The following TMED3 variants were observed in gnomAD, a reference collection of about 807,000 sequenced individuals.
The protein encoded by TMED3 is transmembrane p24 trafficking protein 3.
Under a neutral mutation model 15.0 loss-of-function variants are expected in TMED3, and 9 were observed. The ratio of observed to expected loss-of-function variants is 0.60; its 90% CI spans 0.36 to 1.04. The LOEUF is 1.04. Ranked by LOEUF, TMED3 falls within the 50% of genes least tolerant of loss-of-function variation. The pLI, the probability that TMED3 is intolerant of heterozygous loss-of-function variation, is 0.01. For synonymous variants in TMED3, 117 were observed against 121.4 expected, an observed-to-expected ratio of 0.96 and a Z score of 0.24; for missense variants, 267 against 278.9, an observed-to-expected ratio of 0.96 and a Z score of 0.30.
chr15:79,390,376 A>T (rs1281134658), intron 2 of TMED3, among the ~76,000 whole-genome samples: 1 of 152,104 alleles, frequency 6.6e-6, no homozygotes, highest in African/African-American at 2.4e-5. Context: ...AATTCTGTTT[A>T]TCTGGCGTAT....
chr15:79,352,981 AAT>A, intron 2 of TMED3, among the ~76,000 whole-genome samples: 1 of 117,580 alleles, frequency 8.5e-6, no homozygotes, highest in African/African-American at 3.3e-5. Context: ...AATATATATA[AAT>A]TATATATTAT....
chr15:79,410,600 C>T (rs1295277917), intron 2 of TMED3, among the ~76,000 whole-genome samples: 1 of 151,880 alleles, frequency 6.6e-6, no homozygotes, highest in Non-Finnish European at 1.5e-5. Context: ...TGGGGACCTA[C>T]AAAATATTCC....
chr15:79,350,144 G>T (rs908787791), intron 2 of TMED3, among the ~76,000 whole-genome samples: 1 of 152,188 alleles, frequency 6.6e-6, no homozygotes, highest in Non-Finnish European at 1.5e-5. Context: ...GTTGAAGGAT[G>T]AATAGATGGA....
intron 2 of TMED3, among the ~76,000 whole-genome samples, chr15:79,320,997 C>T (rs898227023): frequency 6.6e-6 from 1 of 152,204 alleles, no homozygotes; most frequent in African/African-American, 2.4e-5. Flanking sequence ...CTGTTGTACC[C>T]TCAACGCCTG....
chr15:79,406,526 GT>G (rs1567041448), intron 2 of TMED3, among the ~76,000 whole-genome samples: 1 of 152,146 alleles, frequency 6.6e-6, no homozygotes, highest in African/African-American at 2.4e-5. Context: ...ATATCTAAGA[GT>G]GCACACATAC....
intron 2 of TMED3, among the ~76,000 whole-genome samples, chr15:79,382,150 C>T (rs977298718): frequency 2.0e-5 from 3 of 152,160 alleles, no homozygotes; most frequent in Admixed American, 1.3e-4. Context: ...CCCATCCTCT[C>T]GGCAGTCCTC....
chr15:79,405,058 A>G (rs1318364170), intron 2 of TMED3, among the ~76,000 whole-genome samples: 1 of 152,176 alleles, frequency 6.6e-6, no homozygotes, highest in East Asian at 1.9e-4. Context: ...CTTGGACCCA[A>G]TTCTGAATAT....
At chr15:79,397,365 AGTT>A (rs1163737368) in intron 2 of TMED3, among the ~76,000 whole-genome samples, 1 of 152,146 alleles carries the variant, frequency 6.6e-6, no homozygotes, top group Non-Finnish European at 1.5e-5. Context: ...TCATCTGCTT[AGTT>A]GTTTTGAGTT....
At chr15:79,353,168 T>TATAAA (rs2058900837) in intron 2 of TMED3, among the ~76,000 whole-genome samples, 3 of 72,964 alleles carry the variant, frequency 4.1e-5, no homozygotes, top group African/African-American at 6.5e-5. Flanking sequence ...TATAAATATA[T>TATAAA]ATACATAATA....
intron 1 of TMED3, among the ~76,000 whole-genome samples, chr15:79,312,483 G>C (rs997427041): frequency 2.6e-5 from 4 of 152,146 alleles, no homozygotes; most frequent in Non-Finnish European, 5.9e-5. Flanking sequence ...TCCAGCCTGG[G>C]TTTAAACACA....
chr15:79,330,027 T>A (rs2058802335), intron 2 of TMED3, among the ~76,000 whole-genome samples: 2 of 152,134 alleles, frequency 1.3e-5, no homozygotes, highest in South Asian at 4.1e-4. Flanking sequence ...ATTCCCCACC[T>A]CCTCGCCTCA....
chr15:79,331,793 G>T (rs1375467459), intron 2 of TMED3, among the ~76,000 whole-genome samples: 1 of 152,156 alleles, frequency 6.6e-6, no homozygotes, highest in Non-Finnish European at 1.5e-5. Context: ...CAAAATATAT[G>T]AAAATATGCT....
At chr15:79,356,150 C>T (rs8040894) in intron 2 of TMED3, among the ~76,000 whole-genome samples, 38,218 of 152,030 alleles carry the variant, frequency 0.25, 5,976 homozygotes, top group Middle Eastern at 0.41. Flanking sequence ...GACCCAGCAT[C>T]AATATGTGTC....
chr15:79,386,323 A>G (rs1893625914), intron 2 of TMED3, among the ~76,000 whole-genome samples: 1 of 152,152 alleles, frequency 6.6e-6, no homozygotes, highest in Non-Finnish European at 1.5e-5. Flanking sequence ...AATAACTTGT[A>G]TTCACTCTCT....
intron 2 of TMED3, among the ~76,000 whole-genome samples, chr15:79,398,110 T>C (rs1469251868): frequency 1.3e-5 from 2 of 152,190 alleles, no homozygotes; most frequent in Non-Finnish European, 2.9e-5. Context: ...GTAGTTTCAC[T>C]GCCCTAAAAA....
intron 2 of TMED3, among the ~76,000 whole-genome samples, chr15:79,320,447 C>T (rs1368527758): frequency 1.3e-5 from 2 of 152,106 alleles, no homozygotes; most frequent in Non-Finnish European, 1.5e-5. Context: ...ACTGGAACAG[C>T]TCGTGCCCTC....
intron 2 of TMED3, among the ~76,000 whole-genome samples, chr15:79,353,575 T>TACACACACACACACACACAC (rs55929180): frequency 7.4e-6 from 1 of 135,512 alleles, no homozygotes; most frequent in African/African-American, 2.8e-5. Context: ...GGGTTAAAAA[T>TACACACACACACACACACAC]ACACACACAC....
At chr15:79,373,436 C>T (rs746605010) in intron 2 of TMED3, among the ~76,000 whole-genome samples, 25 of 152,194 alleles carry the variant, frequency 1.6e-4, no homozygotes, top group Non-Finnish European at 1.9e-4. Flanking sequence ...GAATTTCCCT[C>T]GCCTCCCAAC....
At chr15:79,348,397 C>G (rs1033147525) in intron 2 of TMED3, among the ~76,000 whole-genome samples, 1 of 152,180 alleles carries the variant, frequency 6.6e-6, no homozygotes, top group African/African-American at 2.4e-5. Flanking sequence ...AGTCACTACC[C>G]TGTTGTTTGC....
Sources: allele counts gnomAD v4.1 joint callset (sites outside exome capture counted in the v4.1 genomes callset), GRCh38; gene constraint gnomAD v4.1.1; transcripts MANE v1.5; gene names NCBI Gene and HGNC (gene_info 2026-07-23, HGNC 2026-07-21).